Variants in PTPRD observed in about 807,000 individuals in gnomAD.
PTPRD encodes protein tyrosine phosphatase receptor type D.
In PTPRD, 34 loss-of-function variants were observed where a neutral mutation model predicts 214.5. That is an observed-to-expected ratio of 0.16 (90% CI 0.12 to 0.21). The LOEUF (loss-of-function observed/expected upper bound fraction) is 0.21, where lower values mean the gene tolerates loss of function less well. Ranked by LOEUF, PTPRD falls within the 10% of genes least tolerant of loss-of-function variation. The pLI is 1.00. For synonymous variants in PTPRD, 1,128 were observed against 845.7 expected (o/e 1.33, Z -5.79); for missense variants, 2,545 against 2,398.7 (o/e 1.06, Z -1.27).
intron 7 of PTPRD, among the ~76,000 whole-genome samples, chr9:9,660,495 G>T (rs2096602466): frequency 6.6e-6 from 1 of 152,020 alleles, no homozygotes; most frequent in South Asian, 2.1e-4. Flanking sequence ...TCAAGACATA[G>T]ATGTGGGTTA....
intron 9 of PTPRD, among the ~76,000 whole-genome samples, chr9:9,366,283 G>A (rs953483584): frequency 6.6e-6 from 1 of 151,466 alleles, no homozygotes; most frequent in Non-Finnish European, 1.5e-5. Context: ...ATTCTTTTTG[G>A]TGAGGATTTA....
chr9:9,962,609 T>C (rs1430337509), intron 4 of PTPRD, among the ~76,000 whole-genome samples: 1 of 152,138 alleles, frequency 6.6e-6, no homozygotes, highest in East Asian at 1.9e-4. Flanking sequence ...ATTATTTCAG[T>C]TGTCTAAAAG....
chr9:8,440,188 C>T (rs138703248), intron 34 of PTPRD, among the ~76,000 whole-genome samples: 51 of 151,910 alleles, frequency 3.4e-4, no homozygotes, highest in African/African-American at 1.2e-3. Context: ...CTCTAACACC[C>T]CATTAGCAAG....
At chr9:9,097,242 T>C (rs1308073414) in intron 10 of PTPRD, among the ~76,000 whole-genome samples, 2 of 151,998 alleles carry the variant, frequency 1.3e-5, no homozygotes, top group Non-Finnish European at 2.9e-5. Context: ...CTTGAGAAAA[T>C]CTGTCCTGAA....
chr9:8,690,435 G>A (rs2154381235), intron 12 of PTPRD, among the ~76,000 whole-genome samples: 1 of 151,296 alleles, frequency 6.6e-6, no homozygotes, highest in African/African-American at 2.4e-5. Context: ...GCTGAGGCAG[G>A]AGAACGGCAT....
At chr9:9,367,577 T>C (rs531993306) in intron 9 of PTPRD, among the ~76,000 whole-genome samples, 23 of 151,676 alleles carry the variant, frequency 1.5e-4, no homozygotes, top group Middle Eastern at 3.4e-3. Context: ...TTTGTATATA[T>C]TAGAATGAGT....
At chr9:9,769,945 T>C (rs996933291) in intron 5 of PTPRD, among the ~76,000 whole-genome samples, 1 of 152,188 alleles carries the variant, frequency 6.6e-6, no homozygotes, top group Non-Finnish European at 1.5e-5. Flanking sequence ...GAACTCATTC[T>C]TTTTATGGCT....
At chr9:9,709,360 T>C (rs1176807414) in intron 7 of PTPRD, among the ~76,000 whole-genome samples, 1 of 152,044 alleles carries the variant, frequency 6.6e-6, no homozygotes, top group Non-Finnish European at 1.5e-5. Flanking sequence ...CTCTTAAAAC[T>C]GAAATGGCAA....
At chr9:8,772,460 G>C (rs2095272224) in intron 11 of PTPRD, among the ~76,000 whole-genome samples, 2 of 151,854 alleles carry the variant, frequency 1.3e-5, no homozygotes, top group Non-Finnish European at 2.9e-5. Context: ...ACCAGCCTGG[G>C]CAAGATAGTG....
chr9:10,293,774 C>A (rs1340577586), intron 3 of PTPRD, among the ~76,000 whole-genome samples: 1 of 151,958 alleles, frequency 6.6e-6, no homozygotes, highest in Non-Finnish European at 1.5e-5. Context: ...GTGGAAAGAA[C>A]AGCCACTTGT....
At chr9:9,119,018 C>T (rs2099815005) in intron 10 of PTPRD, among the ~76,000 whole-genome samples, 1 of 152,080 alleles carries the variant, frequency 6.6e-6, no homozygotes, top group Non-Finnish European at 1.5e-5. Context: ...AATATATTTC[C>T]ATGTCATATG....
intron 7 of PTPRD, among the ~76,000 whole-genome samples, chr9:9,690,643 T>A (rs1276551089): frequency 6.6e-6 from 1 of 151,938 alleles, no homozygotes; most frequent in African/African-American, 2.4e-5. Flanking sequence ...TTGATTTGTT[T>A]TATATGTTGA....
intron 11 of PTPRD, among the ~76,000 whole-genome samples, chr9:8,735,891 G>A (rs1266467069): frequency 1.6e-5 from 2 of 126,920 alleles, no homozygotes; most frequent in Non-Finnish European, 3.1e-5. Flanking sequence ...CAGTCTGGGT[G>A]ACAAGTGAGA....
At chr9:9,921,404 C>T (rs1192131037) in intron 5 of PTPRD, among the ~76,000 whole-genome samples, 2 of 151,898 alleles carry the variant, frequency 1.3e-5, no homozygotes, top group Admixed American at 6.6e-5. Context: ...TAAATTCTCA[C>T]ATGAATAGCA....
intron 14 of PTPRD, among the ~76,000 whole-genome samples, chr9:8,544,381 C>T (rs890235460): frequency 4.0e-5 from 6 of 149,990 alleles, no homozygotes; most frequent in Non-Finnish European, 7.4e-5. Context: ...CGCACCCGGT[C>T]GCCATTACTT....
intron 9 of PTPRD, among the ~76,000 whole-genome samples, chr9:9,293,238 T>C (rs1322886714): frequency 2.0e-5 from 3 of 151,654 alleles, no homozygotes; most frequent in East Asian, 1.9e-4. Flanking sequence ...CATTAACATA[T>C]GTCAGTATGG....
intron 5 of PTPRD, among the ~76,000 whole-genome samples, chr9:9,845,038 A>G (rs2059165440): frequency 1.4e-5 from 2 of 142,414 alleles, no homozygotes. Context: ...ACTGCTATAT[A>G]TATATAGCTA....
intron 10 of PTPRD, among the ~76,000 whole-genome samples, chr9:9,020,311 T>C (rs2154369283): frequency 6.6e-6 from 1 of 152,308 alleles, no homozygotes; most frequent in Non-Finnish European, 1.5e-5. Context: ...TGAGAGTTGG[T>C]ACTCTTGCGA....
chr9:10,599,858 A>G (rs534290950), intron 2 of PTPRD, among the ~76,000 whole-genome samples: 1 of 151,886 alleles, frequency 6.6e-6, no homozygotes, highest in African/African-American at 2.4e-5. Context: ...CTTCCCAGTT[A>G]TTTCAATCTC....
Sources: gnomAD v4.1 joint callset for allele counts (sites outside exome capture counted in the v4.1 genomes callset) on GRCh38, gnomAD v4.1.1 for gene constraint, MANE v1.5 for transcripts, NCBI Gene and HGNC (gene_info 2026-07-23, HGNC 2026-07-21) for gene names.